The following AMZ1 variants were observed in gnomAD, a reference collection of about 807,000 sequenced individuals.
The protein encoded by AMZ1 is archaelysin family metallopeptidase 1, also known as archaemetzincin-1.
Under a neutral mutation model 29.9 loss-of-function variants are expected in AMZ1, and 39 were observed. That is an observed-to-expected ratio of 1.30 (90% confidence interval 1.01 to 1.70). The LOEUF (loss-of-function observed/expected upper bound fraction) is 1.70. AMZ1 is among the 40% of genes most tolerant of loss of function. AMZ1 has a pLI of 0.00. For synonymous variants in AMZ1, 458 were observed against 304.0 expected, an observed-to-expected ratio of 1.51 and a Z score of -5.27; for missense variants, 1,041 against 680.6, an observed-to-expected ratio of 1.53 and a Z score of -5.89.
upstream of AMZ1, among the ~76,000 whole-genome samples, chr7:2,685,188 C>T (rs866449959): frequency 5.5e-4 from 84 of 151,610 alleles, no homozygotes; most frequent in African/African-American, 1.5e-3. Context: ...ATTTCCTTTC[C>T]GGTGGCTATT....
chr7:2,722,675 C>T (rs902889567), downstream of AMZ1, among the ~76,000 whole-genome samples: 1 of 152,190 alleles, frequency 6.6e-6, no homozygotes, highest in Non-Finnish European at 1.5e-5. Flanking sequence ...TTTGCATAGG[C>T]TTGTTAAGAA....
At chr7:2,757,377 C>T (rs1282574911) in intron 4 of AMZ1, among the ~76,000 whole-genome samples, 1 of 152,094 alleles carries the variant, frequency 6.6e-6, no homozygotes, top group East Asian at 1.9e-4. Context: ...TCCTGCTGAC[C>T]TAGAAGAAAG....
At chr7:2,746,593 A>T (rs1790773890) in intron 4 of AMZ1, among the ~76,000 whole-genome samples, 1 of 152,216 alleles carries the variant, frequency 6.6e-6, no homozygotes, top group African/African-American at 2.4e-5. Flanking sequence ...ACACCCTAAC[A>T]TCACAACTAA....
rs1789172625 is a variant in AMZ1, at chr7:2,717,141, A to G, written c.*4263A>G. 6.6e-6 allele frequency among the ~76,000 whole-genome samples: 1 copy of G among 152,198 alleles called. No individual in the cohort carries two copies. The highest frequency in any genetic ancestry group is 2.4e-5 in the African/African-American group (1 of 41,454). On this transcript the variant is annotated 3_prime_UTR_variant, in exon 7 of 7. Coordinates refer to ENST00000683327, the MANE Select transcript of AMZ1 (RefSeq NM_001384743.1). ...CGTGCAGCTCCTTCGGACTCTGAGG[A>G]GAGGCCTGGGTGGGTGGCCGGCACT... is the stretch of plus-strand genomic sequence containing the variant.
At chr7:2,756,882 TG>T (rs767466557) in intron 4 of AMZ1, among the ~76,000 whole-genome samples, 49 of 152,120 alleles carry the variant, frequency 3.2e-4, no homozygotes, top group Non-Finnish European at 2.8e-4. Context: ...GAGGTTGGTC[TG>T]GGTAACACAG....
At chr7:2,692,402 T>C (rs930186264) in intron 1 of AMZ1, among the ~76,000 whole-genome samples, 2 of 151,482 alleles carry the variant, frequency 1.3e-5, no homozygotes, top group East Asian at 1.9e-4. Context: ...ATTAGCCGGG[T>C]GTGGTGGCGG....
chr7:2,709,525 CCCGGCCATCTGGCCT>C, intron 5 of AMZ1, 100 bp from the exon 6 acceptor site: 1 of 1,455,318 alleles, frequency 6.9e-7, no homozygotes, highest in African/African-American at 1.4e-5. Context: ...TGGACCACCT[CCCGGCCATCTGGCCT>C]CACCCAGGTC....
chr7:2,723,987 A>G (rs1005003266), downstream of AMZ1, among the ~76,000 whole-genome samples: 2 of 151,568 alleles, frequency 1.3e-5, no homozygotes, highest in African/African-American at 4.9e-5. Flanking sequence ...GTTCACTGCA[A>G]TGTCCACCTC....
chr7:2,696,587 T>C (rs1169774241), intron 1 of AMZ1, among the ~76,000 whole-genome samples: 1 of 151,372 alleles, frequency 6.6e-6, no homozygotes, highest in Non-Finnish European at 1.5e-5. Flanking sequence ...GCTGATGACT[T>C]AGAACTTCCA....
chr7:2,721,078 G>GCGACCAGCAGCTGCAAAA (rs1789400150), downstream of AMZ1, among the ~76,000 whole-genome samples: 1 of 152,212 alleles, frequency 6.6e-6, no homozygotes, highest in African/African-American at 2.4e-5. Flanking sequence ...TCTGGTGGTG[G>GCGACCAGCAGCTGCAAAA]CGACCAGCAG....
At chr7:2,693,359 G>T (rs961195914) in intron 1 of AMZ1, among the ~76,000 whole-genome samples, 3 of 152,180 alleles carry the variant, frequency 2.0e-5, no homozygotes. Flanking sequence ...GGGATTACAG[G>T]TGTGAGCCAC....
At chr7:2,761,004 G>C (rs1334727092), upstream of AMZ1, among the ~76,000 whole-genome samples, 1 of 152,160 alleles carries the variant, frequency 6.6e-6, no homozygotes, top group Non-Finnish European at 1.5e-5. Flanking sequence ...ACAGTTCATG[G>C]GTAGTTTTGG....
rs1485183849 is a variant in AMZ1, at chr7:2,759,254, G to A, written n.551-5458G>A. Among the ~76,000 whole-genome samples, 3 of 152,106 alleles carry A rather than the reference G, an allele frequency of 2.0e-5. No individual in the cohort carries two copies. The South Asian group carries it at 6.2e-4, about 32-fold the overall frequency. ...ACGCTGAAGAAATAAGTCATAAAAT[G>A]GTTATACTGTCCTTATTTACATGAA... On this transcript the variant is annotated intron_variant and non_coding_transcript_variant, in intron 4 of 4. Transcript: ENST00000489665.
At chr7:2,737,276 T>TTTGTTTTGTTTTG (rs1236862408) in intron 4 of AMZ1, among the ~76,000 whole-genome samples, 2 of 53,328 alleles carry the variant, frequency 3.8e-5, no homozygotes, top group African/African-American at 1.3e-4. Flanking sequence ...TTTGTTTTGT[T>TTTGTTTTGTTTTG]TTTTTTTTTT....
In AMZ1 at chr7:2,735,084, G is replaced by A. The variant is rs114633082; in HGVS notation, n.550+25268G>A. Reference sequence around the variant, plus strand: ...GCCTCCTTCCACACCCTGACAGGAAGCAGCTGGGAGAAGCCGTTGGGTGCA... The same window carrying A: ...GCCTCCTTCCACACCCTGACAGGAAACAGCTGGGAGAAGCCGTTGGGTGCA... On this transcript the variant is annotated intron_variant and non_coding_transcript_variant, in intron 4 of 4. Coordinates refer to the AMZ1 transcript ENST00000489665. Among the ~76,000 whole-genome samples the A allele has an allele frequency of 1.3e-3, 197 of 150,364 alleles. 2 individuals are homozygous for A. The highest frequency in any genetic ancestry group is 4.5e-3 in the African/African-American group (183 of 40,944).
At chr7:2,697,558 G>T (rs779893466) in intron 1 of AMZ1, among the ~76,000 whole-genome samples, 1 of 151,810 alleles carries the variant, frequency 6.6e-6, no homozygotes, top group Admixed American at 6.6e-5. Context: ...TGAGTTGCTG[G>T]GACTACAGGT....
Position 2,702,745 on chromosome 7 carries a change from A to G in AMZ1, c.328A>G (p.Ser110Gly), listed in dbSNP as rs1347181347. ...AGACCTGAGCGAGGAGCCGGTGGGA[A>G]GCTCCCTGCTGCACCAGCTGTGCAG... Reference protein sequence around the residue: ...PIDLSEEPVGSSLLHQLCSCT... With the variant: ...PIDLSEEPVGGSLLHQLCSCT... Residue 110 changes from serine to glycine, a missense_variant, in exon 3 of 7, where the codon AGC becomes GGC. By Grantham distance (56) the Ser-to-Gly change is moderately conservative. Transcript: ENST00000683327. 2.0e-6 allele frequency: 3 copies of G among 1,538,146 alleles called. No individual in the cohort carries two copies. The highest frequency in any genetic ancestry group is 2.6e-6 in the Non-Finnish European group (3 of 1,144,286).
At chr7:2,719,885 C>T (rs1789345318), downstream of AMZ1, among the ~76,000 whole-genome samples, 1 of 152,046 alleles carries the variant, frequency 6.6e-6, no homozygotes, top group Non-Finnish European at 1.5e-5. Context: ...GTTTCATCAC[C>T]TTGGCCAGGC....
chr7:2,694,829 C>T (rs1050794125), intron 1 of AMZ1, among the ~76,000 whole-genome samples: 11 of 151,994 alleles, frequency 7.2e-5, no homozygotes, highest in African/African-American at 1.2e-4. Context: ...TGTGCCACCA[C>T]GCCTGGCTAA....
Sources: gnomAD v4.1 joint callset for allele counts (sites outside exome capture counted in the v4.1 genomes callset) on GRCh38, gnomAD v4.1.1 for gene constraint, MANE v1.5 for transcripts, NCBI Gene and HGNC (gene_info 2026-07-23, HGNC 2026-07-21) for gene names.